CDC14A: variants seen among roughly 807,000 people sequenced by gnomAD.
The protein encoded by CDC14A is cell division cycle 14A.
In CDC14A, 53 loss-of-function variants were observed where a neutral mutation model predicts 74.4. The ratio of observed to expected loss-of-function variants is 0.71; its 90% CI spans 0.57 to 0.89. The LOEUF (loss-of-function observed/expected upper bound fraction) is 0.89. CDC14A is among the 40% of genes least tolerant of loss of function. CDC14A has a pLI of 0.00. For missense variants in CDC14A, 646 were observed against 713.7 expected, an observed-to-expected ratio of 0.91 and a Z score of 1.08; for synonymous variants, 247 against 258.4, an observed-to-expected ratio of 0.96 and a Z score of 0.43.
At chr1:100,415,143 G>T (rs1369447207) in intron 4 of CDC14A, among the ~76,000 whole-genome samples, 4 of 152,118 alleles carry the variant, frequency 2.6e-5, no homozygotes, top group Non-Finnish European at 5.9e-5. Context: ...TAGATGGGAA[G>T]ACACACATGG....
At position 100,491,548 on chromosome 1, in the gene CDC14A, C is replaced by CTATATA. The variant is rs67056785; in HGVS notation, c.1138-3250_1138-3245dup. Among the ~76,000 whole-genome samples the CTATATA allele has an allele frequency of 4.1e-3, 159 of 38,752 alleles. 5 individuals carry two copies. Among genetic ancestry groups the CTATATA allele is most frequent in the South Asian group, 9.0e-3 (6 of 666 alleles). 25.4% of individuals were successfully genotyped at this position (38,752 alleles called of 152,430 possible). Reference sequence around the variant, plus strand: ...TCTCTCTCTCTCTCTCTCTCTCTCTCTATATATATATATATATATATATAT... The same window carrying CTATATA: ...TCTCTCTCTCTCTCTCTCTCTCTCTCTATATATATATATATATATATATATATATAT... On this transcript the variant is annotated intron_variant, in intron 11 of 15. Coordinates refer to ENST00000336454, the MANE Select transcript of CDC14A (RefSeq NM_003672.4).
chr1:100,351,597 C>T (rs771636222), upstream of CDC14A: 14 of 643,014 alleles, frequency 2.2e-5, no homozygotes, highest in African/African-American at 2.2e-4. Flanking sequence ...CCTCCTTGGA[C>T]CAGTGGACTC....
At chr1:100,414,931 T>C (rs751221722) in intron 4 of CDC14A, among the ~76,000 whole-genome samples, 2 of 152,088 alleles carry the variant, frequency 1.3e-5, no homozygotes, top group Non-Finnish European at 2.9e-5. Context: ...TTGTTTGCTT[T>C]ATAAGGGGTT....
chr1:100,452,977 A>G (rs770775954), intron 7 of CDC14A, among the ~76,000 whole-genome samples: 1 of 152,180 alleles, frequency 6.6e-6, no homozygotes, highest in Non-Finnish European at 1.5e-5. Context: ...TAAAGGCACA[A>G]ATATTAACTT....
At chr1:100,486,826 G>A (rs61041390) in intron 11 of CDC14A, among the ~76,000 whole-genome samples, 8,196 of 152,200 alleles carry the variant, frequency 0.054, 720 homozygotes, top group African/African-American at 0.19. Flanking sequence ...CATCATGTAT[G>A]GGCCCTAGGA....
chr1:100,392,475 G>T (rs1208655769), intron 4 of CDC14A, among the ~76,000 whole-genome samples: 2 of 151,436 alleles, frequency 1.3e-5, no homozygotes, highest in Non-Finnish European at 2.9e-5. Context: ...TTTTTGTGAG[G>T]ACCAAATGAT....
At chr1:100,452,443 A>G (rs1405682616) in intron 7 of CDC14A, among the ~76,000 whole-genome samples, 4 of 152,198 alleles carry the variant, frequency 2.6e-5, no homozygotes, top group African/African-American at 9.7e-5. Context: ...ACCCGGAGGC[A>G]GAGGTTGCAG....
intron 4 of CDC14A, among the ~76,000 whole-genome samples, chr1:100,413,004 C>T (rs1661070367): frequency 1.3e-5 from 2 of 151,070 alleles, no homozygotes; most frequent in African/African-American, 4.9e-5. Context: ...TTGCAGTGAG[C>T]TGAGATCGTG....
intron 10 of CDC14A, among the ~76,000 whole-genome samples, chr1:100,468,579 G>A (rs1250394533): frequency 6.6e-6 from 1 of 152,194 alleles, no homozygotes; most frequent in East Asian, 1.9e-4. Context: ...AAGAAAAAAG[G>A]AGGAGAACTG....
chr1:100,386,351 T>C (rs374876670), intron 3 of CDC14A, among the ~76,000 whole-genome samples: 118 of 152,324 alleles, frequency 7.7e-4, no homozygotes, highest in Middle Eastern at 6.8e-3. Context: ...ATTTACACTG[T>C]ATTTATTGGA....
intron 4 of CDC14A, chr1:100,391,187 G>T (rs1657650275): frequency 3.8e-6 from 1 of 266,022 alleles, no homozygotes; most frequent in South Asian, 4.1e-5. Flanking sequence ...GATTTTAAAA[G>T]ACTTGACGTG....
At chr1:100,379,977 A>C (rs1655868290) in intron 3 of CDC14A, among the ~76,000 whole-genome samples, 1 of 152,174 alleles carries the variant, frequency 6.6e-6, no homozygotes, top group Non-Finnish European at 1.5e-5. Context: ...CCATGACCCA[A>C]GGCCCCACCT....
chr1:100,491,398 A>G (rs1670599692), intron 11 of CDC14A, among the ~76,000 whole-genome samples: 1 of 150,800 alleles, frequency 6.6e-6, no homozygotes, highest in Non-Finnish European at 1.5e-5. Flanking sequence ...TGGTTTTAAT[A>G]TTTTTTCCTG....
At chr1:100,497,889 C>A (rs1339246615) in intron 13 of CDC14A, among the ~76,000 whole-genome samples, 196 bp from the exon 14 acceptor site, 1 of 151,320 alleles carries the variant, frequency 6.6e-6, no homozygotes, top group East Asian at 2.0e-4. Flanking sequence ...ACAAGCTGAG[C>A]TGACATCTTT....
intron 4 of CDC14A, among the ~76,000 whole-genome samples, chr1:100,418,027 A>G (rs1381019378): frequency 6.6e-6 from 1 of 152,162 alleles, no homozygotes; most frequent in Non-Finnish European, 1.5e-5. Flanking sequence ...AGTTTCTATG[A>G]GGGAGCCAGA....
At chr1:100,489,300 C>T (rs566987069) in intron 11 of CDC14A, among the ~76,000 whole-genome samples, 135 of 152,168 alleles carry the variant, frequency 8.9e-4, no homozygotes, top group Admixed American at 1.7e-3. Context: ...TCTATTTTTA[C>T]TCATTTCTAT....
intron 10 of CDC14A, among the ~76,000 whole-genome samples, chr1:100,475,595 G>A (rs1668807847): frequency 6.6e-6 from 1 of 152,162 alleles, no homozygotes; most frequent in African/African-American, 2.4e-5. Flanking sequence ...ACTACCAGGT[G>A]GAGGCAGGAA....
chr1:100,475,860 T>G (rs1236628526), intron 10 of CDC14A, among the ~76,000 whole-genome samples: 3 of 152,160 alleles, frequency 2.0e-5, no homozygotes, highest in African/African-American at 7.2e-5. Context: ...ATTACTACCT[T>G]AGTGAGGAGT....
At chr1:100,412,743 T>TATATATATATAAA (rs1661001943) in intron 4 of CDC14A, among the ~76,000 whole-genome samples, 1 of 109,912 alleles carries the variant, frequency 9.1e-6, no homozygotes, top group Non-Finnish European at 1.7e-5. Flanking sequence ...ATATATTTTA[T>TATATATATATAAA]ATATATATAT....
Sources: gnomAD v4.1 joint callset for allele counts (sites outside exome capture counted in the v4.1 genomes callset) on GRCh38, gnomAD v4.1.1 for gene constraint, MANE v1.5 for transcripts, NCBI Gene and HGNC (gene_info 2026-07-23, HGNC 2026-07-21) for gene names.